Variants in PLXNA4 observed in about 807,000 individuals in gnomAD.
PLXNA4 encodes the protein plexin A4.
A neutral mutation model predicts 191.8 loss-of-function variants in PLXNA4; 44 were observed. The ratio of observed to expected loss-of-function variants is 0.23; its 90% CI spans 0.18 to 0.29. PLXNA4 has a LOEUF of 0.29. PLXNA4 is among the 10% of genes least tolerant of loss of function. PLXNA4 has a pLI of 1.00. For missense variants in PLXNA4, 1,800 were observed against 2,488.8 expected, an observed-to-expected ratio of 0.72 and a Z score of 5.89; for synonymous variants, 1,082 against 1,009.5, an observed-to-expected ratio of 1.07 and a Z score of -1.36.
chr7:132,258,106 C>T (rs1396285803), intron 4 of PLXNA4, among the ~76,000 whole-genome samples: 1 of 152,236 alleles, frequency 6.6e-6, no homozygotes, highest in Non-Finnish European at 1.5e-5. Flanking sequence ...GGAAGGCCAC[C>T]CTGGTCTGCC....
At chr7:132,181,049 T>C (rs1796685386) in intron 18 of PLXNA4, among the ~76,000 whole-genome samples, 1 of 152,224 alleles carries the variant, frequency 6.6e-6, no homozygotes, top group Non-Finnish European at 1.5e-5. Flanking sequence ...GTAACCCATG[T>C]TCCAAAGGAA....
At chr7:132,230,566 C>T (rs577386251) in intron 5 of PLXNA4, among the ~76,000 whole-genome samples, 59 of 152,148 alleles carry the variant, frequency 3.9e-4, no homozygotes, top group Admixed American at 9.2e-4. Context: ...TCCAGCTGAC[C>T]GATGGCAACA....
At chr7:132,225,708 A>G (rs1798298967) in intron 8 of PLXNA4, among the ~76,000 whole-genome samples, 1 of 151,966 alleles carries the variant, frequency 6.6e-6, no homozygotes, top group Non-Finnish European at 1.5e-5. Context: ...CATGCAATTG[A>G]GTGGTTAGAC....
At position 132,188,995 on chromosome 7, in the gene PLXNA4, A is replaced by AAAGGAAAGGAAAGGAAAGGAAAGGAAAG. The variant is rs1554384729; in HGVS notation, c.2857-1389_2857-1388insCTTTCCTTTCCTTTCCTTTCCTTTCCTT. Among the ~76,000 whole-genome samples, 17 of 26,806 alleles carry AAAGGAAAGGAAAGGAAAGGAAAGGAAAG rather than the reference A, an allele frequency of 6.3e-4. 1 individual carries two copies. The highest frequency in any genetic ancestry group is 8.5e-4 in the Non-Finnish European group (11 of 12,992). The allele number at this position is 26,806 out of a possible 152,430, so 17.6% of individuals were successfully genotyped here. ...AAAGGAAAGGAAAGGAAAGGAAAGG[A>AAAGGAAAGGAAAGGAAAGGAAAGGAAAG]GAGAGAGAGAGAGAGAGAGAGAGAG... On this transcript the variant is annotated intron_variant, in intron 14 of 31. Transcript: ENST00000321063.
At chr7:132,325,810 G>A (rs1311236717) in intron 3 of PLXNA4, among the ~76,000 whole-genome samples, 2 of 152,126 alleles carry the variant, frequency 1.3e-5, no homozygotes, top group Admixed American at 6.5e-5. Flanking sequence ...ACTGACACAC[G>A]TAAGCCCAGT....
chr7:132,357,994 A>T (rs1209227877), intron 3 of PLXNA4, among the ~76,000 whole-genome samples: 1 of 152,212 alleles, frequency 6.6e-6, no homozygotes, highest in Non-Finnish European at 1.5e-5. Context: ...AGAGCACTCC[A>T]TTCAGGGGAA....
At chr7:132,153,189 A>C (rs1357082275) in intron 25 of PLXNA4, among the ~76,000 whole-genome samples, 1 of 152,170 alleles carries the variant, frequency 6.6e-6, no homozygotes, top group Non-Finnish European at 1.5e-5. Flanking sequence ...CTGGCTGGCC[A>C]GGGGGACAAG....
intron 4 of PLXNA4, among the ~76,000 whole-genome samples, chr7:132,274,810 G>C (rs182629358): frequency 1.5e-3 from 169 of 110,048 alleles, no homozygotes; most frequent in African/African-American, 5.3e-3. Flanking sequence ...GTCTCACTAT[G>C]TCACCCAGGC....
chr7:132,338,362 T>C (rs2116731340), intron 3 of PLXNA4, among the ~76,000 whole-genome samples: 1 of 152,190 alleles, frequency 6.6e-6, no homozygotes, highest in East Asian at 1.9e-4. Context: ...CTCCAAAATG[T>C]TTTAAAATCC....
intron 3 of PLXNA4, among the ~76,000 whole-genome samples, chr7:132,332,951 T>C (rs1007776263): frequency 1.3e-5 from 2 of 152,148 alleles, no homozygotes; most frequent in Non-Finnish European, 2.9e-5. Flanking sequence ...AATTCTGATA[T>C]TTTCCCTTCT....
At chr7:132,360,688 C>CAGTG (rs1803900913) in intron 3 of PLXNA4, among the ~76,000 whole-genome samples, 1 of 152,196 alleles carries the variant, frequency 6.6e-6, no homozygotes, top group East Asian at 1.9e-4. Context: ...TGCAGGTGGC[C>CAGTG]AGTGCCTCTG....
chr7:132,311,995 CT>C (rs1482006940), intron 3 of PLXNA4, among the ~76,000 whole-genome samples: 1 of 151,972 alleles, frequency 6.6e-6, no homozygotes, highest in Non-Finnish European at 1.5e-5. Context: ...CACAAAGGGG[CT>C]TTTGACCACC....
chr7:132,212,597 A>G lies in PLXNA4; in HGVS notation c.2098-1454T>C, dbSNP rs139173127. On this transcript the variant is annotated intron_variant, in intron 9 of 31. Transcript: ENST00000321063. ...AACCATCTTAACTCATCATGATTCC[A>G]TGATTTGGAGTGGTTGTTCTCTCCA... Among the ~76,000 whole-genome samples, 1,463 of 152,270 alleles carry G rather than the reference A, an allele frequency of 9.6e-3. 8 individuals are homozygous for G. The highest frequency in any genetic ancestry group is 0.016 in the Non-Finnish European group (1,117 of 68,018).
At chr7:132,311,705 T>C (rs1363153767) in intron 3 of PLXNA4, among the ~76,000 whole-genome samples, 1 of 152,058 alleles carries the variant, frequency 6.6e-6, no homozygotes, top group African/African-American at 2.4e-5. Flanking sequence ...ACTGCCCACA[T>C]CTTACTTTTT....
chr7:132,354,107 C>A (rs79204387), intron 3 of PLXNA4, among the ~76,000 whole-genome samples: 2,436 of 152,192 alleles, frequency 0.016, 28 homozygotes, highest in Middle Eastern at 0.041. Context: ...ACTGTCCTGG[C>A]GGGTTTGGAT....
intron 14 of PLXNA4, among the ~76,000 whole-genome samples, chr7:132,190,488 G>T (rs2063077369): frequency 6.6e-6 from 1 of 152,224 alleles, no homozygotes; most frequent in Admixed American, 6.5e-5. Context: ...AGGATCTGTA[G>T]CATTGGATTT....
At chr7:132,226,409 A>G in intron 7 of PLXNA4, 149 bp from the exon 8 acceptor site, 1 of 627,194 alleles carries the variant, frequency 1.6e-6, no homozygotes, top group Non-Finnish European at 2.8e-6. Flanking sequence ...CAGTCCCAGG[A>G]CAACCCTGAG....
intron 30 of PLXNA4, among the ~76,000 whole-genome samples, chr7:132,135,114 G>A (rs1465000065): frequency 4.6e-5 from 7 of 152,172 alleles, no homozygotes; most frequent in African/African-American, 1.4e-4. Flanking sequence ...GGAGATTTGT[G>A]TCATTGTCCC....
At chr7:132,607,884 C>T (rs1460295775) in intron 2 of PLXNA4, among the ~76,000 whole-genome samples, 1 of 150,910 alleles carries the variant, frequency 6.6e-6, no homozygotes, top group Non-Finnish European at 1.5e-5. Flanking sequence ...CTATCACCAT[C>T]AACACCATCA....
Sources: gnomAD v4.1 joint callset for allele counts (sites outside exome capture counted in the v4.1 genomes callset) on GRCh38, gnomAD v4.1.1 for gene constraint, MANE v1.5 for transcripts, NCBI Gene and HGNC (gene_info 2026-07-23, HGNC 2026-07-21) for gene names.